The following ACBD6 variants were observed in gnomAD, a reference collection of about 807,000 sequenced individuals.
The protein encoded by ACBD6 is acyl-CoA binding domain containing 6, also known as acyl-CoA-binding domain-containing protein 6.
In ACBD6, 28 loss-of-function variants were observed where a neutral mutation model predicts 37.2. That is an observed-to-expected ratio of 0.75 (90% CI 0.56 to 1.03). The LOEUF (loss-of-function observed/expected upper bound fraction) is 1.03, where lower values mean the gene tolerates loss of function less well. ACBD6 is among the 50% of genes least tolerant of loss of function. ACBD6 has a pLI of 0.00. For missense variants in ACBD6, 340 were observed against 337.4 expected, an observed-to-expected ratio of 1.01 and a Z score of -0.06; for synonymous variants, 113 against 126.8, an observed-to-expected ratio of 0.89 and a Z score of 0.73.
At chr1:180,350,587 A>C (rs1184782664) in intron 6 of ACBD6, among the ~76,000 whole-genome samples, 1 of 152,028 alleles carries the variant, frequency 6.6e-6, no homozygotes, top group African/African-American at 2.4e-5. Flanking sequence ...TTTAAAACAC[A>C]CCCACACTCA....
chr1:180,332,535 A>G (rs990918110), intron 6 of ACBD6, among the ~76,000 whole-genome samples: 1 of 151,798 alleles, frequency 6.6e-6, no homozygotes, highest in African/African-American at 2.4e-5. Context: ...CCTTATTGTG[A>G]ACTGCACATA....
intron 6 of ACBD6, among the ~76,000 whole-genome samples, chr1:180,337,072 G>A (rs566743983): frequency 9.2e-5 from 14 of 152,222 alleles, no homozygotes; most frequent in Admixed American, 3.3e-4. Context: ...TTCCACCAGA[G>A]GTACAAGGAG....
At chr1:180,392,050 T>A (rs1015846702) in intron 6 of ACBD6, among the ~76,000 whole-genome samples, 1 of 152,120 alleles carries the variant, frequency 6.6e-6, no homozygotes, top group South Asian at 2.1e-4. Flanking sequence ...AATCCAAAAG[T>A]ATATATACTT....
At chr1:180,455,027 C>T (rs1649862254) in intron 3 of ACBD6, among the ~76,000 whole-genome samples, 1 of 152,134 alleles carries the variant, frequency 6.6e-6, no homozygotes, top group Non-Finnish European at 1.5e-5. Flanking sequence ...TGGGTATATA[C>T]CCAAAGGAGT....
At chr1:180,435,916 T>G (rs973429233) in intron 3 of ACBD6, 3 of 1,386,948 alleles carry the variant, frequency 2.2e-6, no homozygotes, top group African/African-American at 2.8e-5. Flanking sequence ...GCCACAAGCT[T>G]GGTTTAGGCC....
At chr1:180,459,566 G>A (rs1365261898) in intron 3 of ACBD6, among the ~76,000 whole-genome samples, 1 of 152,126 alleles carries the variant, frequency 6.6e-6, no homozygotes, top group East Asian at 1.9e-4. Flanking sequence ...ACTAATAGTT[G>A]TTAGTACATT....
At chr1:180,450,487 A>G (rs6683287) in intron 3 of ACBD6, among the ~76,000 whole-genome samples, 151,936 of 152,350 alleles carry the variant, frequency 1, 75,762 homozygotes, top group East Asian at 1. Context: ...GGCCGGGTGC[A>G]GTGGCCCATG....
At chr1:180,327,044 C>A (rs1651281034) in intron 6 of ACBD6, among the ~76,000 whole-genome samples, 1 of 152,162 alleles carries the variant, frequency 6.6e-6, no homozygotes, top group Non-Finnish European at 1.5e-5. Context: ...AGGTCATGTG[C>A]TGCCCTGGTC....
chr1:180,375,706 T>C (rs1468497255), intron 6 of ACBD6, among the ~76,000 whole-genome samples: 2 of 152,192 alleles, frequency 1.3e-5, no homozygotes, highest in South Asian at 2.1e-4. Context: ...ACATCTCCAA[T>C]CATACATTTC....
chr1:180,372,945 T>C (rs1324631909), intron 6 of ACBD6, among the ~76,000 whole-genome samples: 1 of 152,156 alleles, frequency 6.6e-6, no homozygotes, highest in African/African-American at 2.4e-5. Flanking sequence ...CAAAAGACTT[T>C]TGTTCTCCCA....
chr1:180,397,544 A>G lies in ACBD6; in HGVS notation c.635T>C (p.Leu212Pro). 2 of 1,614,112 alleles carry G rather than the reference A, an allele frequency of 1.2e-6. No individual in the cohort carries two copies. The highest frequency in any genetic ancestry group is 1.1e-5 in the South Asian group (1 of 91,090). ...RGHKELVTVLLQHRADINCQD... is the reference protein window; with the variant it reads ...RGHKELVTVLPQHRADINCQD... The stretch of plus-strand genomic sequence containing the variant: ...ACAGTTAATGTCAGCTCTATGTTGC[A>G]GCAACACTGTGACTAGTTCCTTATG... Residue 212 changes from leucine to proline, a missense_variant, in exon 6 of 8, where the codon CTG becomes CCG. Leu to Pro is a moderately conservative substitution (Grantham distance 98, BLOSUM62 -3). Coordinates refer to ENST00000367595, the MANE Select transcript of ACBD6 (RefSeq NM_032360.4).
At chr1:180,462,149 A>AT (rs1285157245) in intron 3 of ACBD6, among the ~76,000 whole-genome samples, 16 of 152,308 alleles carry the variant, frequency 1.1e-4, no homozygotes, top group Admixed American at 5.2e-4. Flanking sequence ...AGGCAGGAGA[A>AT]TTACTTGAAC....
At chr1:180,448,680 G>A (rs994696390) in intron 3 of ACBD6, among the ~76,000 whole-genome samples, 9 of 152,168 alleles carry the variant, frequency 5.9e-5, no homozygotes, top group Admixed American at 1.3e-4. Flanking sequence ...GCCATGAATT[G>A]AAGTGCATAA....
chr1:180,492,402 G>A, intron 2 of ACBD6, 37 bp from the exon 3 acceptor site: 1 of 1,482,106 alleles, frequency 6.7e-7, no homozygotes, highest in South Asian at 1.1e-5. Flanking sequence ...CTGTCATTAT[G>A]CAAATAACAC....
In ACBD6 at chr1:180,500,827, T is replaced by C. The variant is rs558085980; in HGVS notation, c.222+1218A>G. The stretch of plus-strand genomic sequence containing the variant: ...GAAATGTGGTGAAACCCAGACCCTC[T>C]GTAAAAAAAAAAAAAAAAAAAAAAA... On this transcript the variant is annotated intron_variant, in intron 1 of 7. Coordinates refer to ENST00000367595, the MANE Select transcript of ACBD6 (RefSeq NM_032360.4). Among the ~76,000 whole-genome samples the C allele has an allele frequency of 3.2e-5, 3 of 94,648 alleles. No homozygotes were observed. The South Asian group carries it at 1.4e-3, about 44-fold the overall frequency. 62.1% of individuals were successfully genotyped at this position (94,648 alleles called of 152,430 possible). A position where few individuals can be genotyped will look rare whatever the true frequency, so the allele number is the denominator to read the frequency against.
At chr1:180,460,603 C>T (rs74135185) in intron 3 of ACBD6, among the ~76,000 whole-genome samples, 24,326 of 152,238 alleles carry the variant, frequency 0.16, 1,996 homozygotes, top group Middle Eastern at 0.22. Flanking sequence ...GTTTCACAGC[C>T]TTCGCTGGTG....
chr1:180,501,841 A>T (rs1466010610), intron 1 of ACBD6, among the ~76,000 whole-genome samples: 1 of 151,850 alleles, frequency 6.6e-6, no homozygotes, highest in Non-Finnish European at 1.5e-5. Context: ...CTAAATAAAC[A>T]TCACTCCTAA....
chr1:180,390,753 C>G (rs1026381101), intron 6 of ACBD6, among the ~76,000 whole-genome samples: 5 of 152,034 alleles, frequency 3.3e-5, no homozygotes, highest in Admixed American at 2.0e-4. Flanking sequence ...GTATTTTATT[C>G]TCTTTGAAAC....
intron 3 of ACBD6, among the ~76,000 whole-genome samples, chr1:180,473,465 AC>A (rs1251767930): frequency 6.7e-6 from 1 of 149,622 alleles, no homozygotes; most frequent in Non-Finnish European, 1.5e-5. Flanking sequence ...AAAAAAAAAA[AC>A]TTTTACACGA....
Sources: gnomAD v4.1 joint callset for allele counts (sites outside exome capture counted in the v4.1 genomes callset) on GRCh38, gnomAD v4.1.1 for gene constraint, MANE v1.5 for transcripts, NCBI Gene and HGNC (gene_info 2026-07-23, HGNC 2026-07-21) for gene names.